KLHDC10: variants seen among roughly 807,000 people sequenced by gnomAD.
The protein encoded by KLHDC10 is kelch domain containing 10.
A neutral mutation model predicts 56.1 loss-of-function variants in KLHDC10; 24 were observed. The observed-to-expected ratio is 0.43, with a 90% CI of 0.31 to 0.60. The LOEUF is 0.60. KLHDC10 is among the 20% of genes least tolerant of loss of function. The pLI is 0.11. For synonymous variants in KLHDC10, 188 were observed against 207.1 expected, an observed-to-expected ratio of 0.91 and a Z score of 0.79; for missense variants, 349 against 567.0, an observed-to-expected ratio of 0.62 and a Z score of 3.91.
chr7:130,101,468 T>C (rs982609026), intron 2 of KLHDC10, among the ~76,000 whole-genome samples: 7 of 152,134 alleles, frequency 4.6e-5, no homozygotes, highest in South Asian at 4.1e-4. Context: ...TATAGGAAGA[T>C]GGAGCAGTTT....
chr7:130,099,774 AAATTT>A (rs1795904015), intron 2 of KLHDC10, among the ~76,000 whole-genome samples: 1 of 152,226 alleles, frequency 6.6e-6, no homozygotes, highest in Non-Finnish European at 1.5e-5. Context: ...GCTAGTGAAG[AAATTT>A]AATTAAAGGC....
At position 130,107,843 on chromosome 7, in the gene KLHDC10, CA is replaced by C. The variant is rs3043725; in HGVS notation, c.254-8578del. On this transcript the variant is annotated intron_variant, in intron 2 of 9. Coordinates refer to ENST00000335420, the MANE Select transcript of KLHDC10 (RefSeq NM_014997.4). ...TGGGCGACAGAGTGGGACTCCGTCTCAAAAAAAAAAAAAAAAAAAAAAAAGA... is the reference window on the plus strand; with the variant it reads ...TGGGCGACAGAGTGGGACTCCGTCTCAAAAAAAAAAAAAAAAAAAAAAAGA... Among the ~76,000 whole-genome samples the C allele has an allele frequency of 1.6e-3, 42 of 26,032 alleles. 1 individual carries two copies. The East Asian group carries it at 0.054, about 34-fold the overall frequency. 17.1% of individuals were successfully genotyped at this position (26,032 alleles called of 152,430 possible).
rs1339012662 is a variant in KLHDC10, at chr7:130,125,853, T to C, written c.865-12T>C. ...ATTTATGTATGTGTATATGTTCTTT[T>C]TTTTCTCCAAGATCCATGCATACAA... is the stretch of plus-strand genomic sequence containing the variant. On this transcript the variant is annotated splice_polypyrimidine_tract_variant and intron_variant, in intron 6 of 9. Transcript: ENST00000335420. The C allele has an allele frequency of 1.3e-6, 2 of 1,584,780 alleles. No individual in the cohort carries two copies. Among genetic ancestry groups the C allele is most frequent in the African/African-American group, 2.7e-5 (2 of 73,164 alleles).
intron 3 of KLHDC10, among the ~76,000 whole-genome samples, chr7:130,118,383 C>T (rs1257692417): frequency 6.6e-6 from 1 of 152,140 alleles, no homozygotes; most frequent in Non-Finnish European, 1.5e-5. Context: ...TTACCTCTCC[C>T]CACCTTTATA....
At chr7:130,096,153 C>A (rs780083544) in intron 1 of KLHDC10, among the ~76,000 whole-genome samples, 1 of 152,064 alleles carries the variant, frequency 6.6e-6, no homozygotes, top group Non-Finnish European at 1.5e-5. Flanking sequence ...TCTTTGTAAA[C>A]CCTAAACATT....
chr7:130,130,498 C>G lies in KLHDC10; in HGVS notation c.1120-39C>G. The G allele has an allele frequency of 6.5e-7, 1 of 1,533,034 alleles. No homozygotes were observed. The highest frequency in any genetic ancestry group is 1.1e-5 in the South Asian group (1 of 89,498). The allele number at this position is 1,533,034 out of a possible 1,614,324, so 95.0% of individuals were successfully genotyped here. On this transcript the variant is annotated intron_variant, in intron 9 of 9. Transcript: ENST00000335420. This position sits in a 1 kb window ranked among gnomAD's most constrained non-coding sequence, Gnocchi z 4.2. ...ACTGAGTCTTCAGCCTTGTATGTTT[C>G]TCTCCCGTTTGAATTTGTCCTCTTT...
intron 1 of KLHDC10, among the ~76,000 whole-genome samples, chr7:130,090,538 A>C (rs1400460426): frequency 6.6e-6 from 1 of 152,024 alleles, no homozygotes; most frequent in Non-Finnish European, 1.5e-5. Context: ...CATTGAGCCA[A>C]GATCATGCCA....
chr7:130,124,652 T>C, intron 6 of KLHDC10, 117 bp downstream of exon 6: 2 of 602,552 alleles, frequency 3.3e-6, no homozygotes, highest in East Asian at 5.3e-5. Context: ...ACATTCCTCA[T>C]TAACACCTAT....
chr7:130,113,427 G>C (rs1248277707), intron 2 of KLHDC10, among the ~76,000 whole-genome samples: 1 of 151,794 alleles, frequency 6.6e-6, no homozygotes, highest in African/African-American at 2.4e-5. Context: ...CCACCTCCCA[G>C]GTTCAAGCAA....
rs1554468240 is a variant in KLHDC10, at chr7:130,128,919, T to TAC, written c.980-516_980-515dup. Among the ~76,000 whole-genome samples, 238 of 115,690 alleles carry TAC rather than the reference T, an allele frequency of 2.1e-3. 5 individuals carry two copies. The highest frequency in any genetic ancestry group is 8.7e-3 in the Middle Eastern group (2 of 230). 75.9% of individuals were successfully genotyped at this position (115,690 alleles called of 152,430 possible). On this transcript the variant is annotated intron_variant, in intron 8 of 9. Coordinates refer to ENST00000335420, the MANE Select transcript of KLHDC10 (RefSeq NM_014997.4). ...ATATATATATATATATATATATATA[T>TAC]ACATACTAGCCAAAACTTAAAAATC...
At position 130,116,588 on chromosome 7, in the gene KLHDC10, A is replaced by C. The variant is rs1320773332; in HGVS notation, c.397A>C (p.Arg133=). 1 of 1,614,134 alleles carries C rather than the reference A, an allele frequency of 6.2e-7. No homozygotes were observed. ...EDYPLFRELW[R]YHFATGVWHQ... is the part of the protein sequence containing the mutation. ...CTATCCTCTCTTCAGGGAACTCTGG[A>C]GGTATCATTTTGCTACAGGAGTATG... Residue 133 remains arginine (R), a synonymous_variant, in exon 3 of 10, where the codon AGG becomes CGG. Transcript: ENST00000335420. This position sits in a 1 kb window ranked among gnomAD's most constrained non-coding sequence, Gnocchi z 4.8.
chr7:130,091,028 A>G (rs920518585), intron 1 of KLHDC10, among the ~76,000 whole-genome samples: 1 of 150,762 alleles, frequency 6.6e-6, no homozygotes, highest in Non-Finnish European at 1.5e-5. Context: ...TTTTTTTCCT[A>G]TTGGTTGCAT....
chr7:130,107,970 G>A lies in KLHDC10; in HGVS notation c.254-8475G>A, dbSNP rs372665044. On this transcript the variant is annotated intron_variant, in intron 2 of 9. Transcript: ENST00000335420. ...GCGGAGGTTGCAGTGAGGTGAGACCGCGCCACTGCACCCCAGCCTGGGGGA... is the reference window on the plus strand; with the variant it reads ...GCGGAGGTTGCAGTGAGGTGAGACCACGCCACTGCACCCCAGCCTGGGGGA... 2.6e-4 allele frequency among the ~76,000 whole-genome samples: 40 copies of A among 151,014 alleles called. No individual in the cohort carries two copies. In the East Asian group the frequency reaches 6.3e-3, roughly 24 times the overall value.
At chr7:130,121,343 A>G (rs1399166020) in intron 4 of KLHDC10, among the ~76,000 whole-genome samples, 2 of 152,170 alleles carry the variant, frequency 1.3e-5, no homozygotes, top group Admixed American at 6.5e-5. Context: ...TTATGTAGAG[A>G]TTAGTTTAGG....
At chr7:130,082,832 A>G (rs1795626691) in intron 1 of KLHDC10, among the ~76,000 whole-genome samples, 1 of 152,176 alleles carries the variant, frequency 6.6e-6, no homozygotes, top group Admixed American at 6.5e-5. Flanking sequence ...CTTCTCTAGA[A>G]TTTGGTTTTA....
At position 130,130,321 on chromosome 7, in the gene KLHDC10, CAAA is replaced by C. The variant is rs35574079; in HGVS notation, c.1120-204_1120-202del. Among the ~76,000 whole-genome samples the C allele has an allele frequency of 9.3e-6, 1 of 107,578 alleles. No homozygotes were observed. The allele number at this position is 107,578 out of a possible 152,430, so 70.6% of individuals were successfully genotyped here. A position where few individuals can be genotyped will look rare whatever the true frequency, so the allele number is the denominator to read the frequency against. ...TGGGCGACAGAGTGAGACTCTGTCT[CAAA>C]AAAAAAAAAAATCATATATATATAT... On this transcript the variant is annotated intron_variant, in intron 9 of 9. Transcript: ENST00000335420. The surrounding 1 kb of genome is among the most constrained non-coding windows in gnomAD (Gnocchi z 4.2).
At chr7:130,097,104 C>A in intron 2 of KLHDC10, 97 bp downstream of exon 2, 1 of 749,802 alleles carries the variant, frequency 1.3e-6, no homozygotes, top group African/African-American at 1.7e-5. Context: ...TAAAAATCAT[C>A]TAAACAGCTA....
chr7:130,128,889 A>AAAAAAAAATATATATAT, intron 8 of KLHDC10, among the ~76,000 whole-genome samples: 4 of 66,954 alleles, frequency 6.0e-5, no homozygotes, highest in Non-Finnish European at 8.3e-5. Flanking sequence ...AAAAAAAAAA[A>AAAAAAAAATATATATAT]ATATATATAT....
intron 1 of KLHDC10, among the ~76,000 whole-genome samples, chr7:130,090,100 C>T (rs1053115130): frequency 6.6e-6 from 1 of 151,948 alleles, no homozygotes; most frequent in Admixed American, 6.6e-5. Flanking sequence ...AGGCTGGTCT[C>T]GAACTCCTGA....
Sources: allele counts gnomAD v4.1 joint callset (sites outside exome capture counted in the v4.1 genomes callset), GRCh38; gene constraint gnomAD v4.1.1; non-coding constraint Gnocchi (gnomAD v3.1); transcripts MANE v1.5; gene names NCBI Gene and HGNC (gene_info 2026-07-23, HGNC 2026-07-21).